LAMA1: variants seen among roughly 807,000 people sequenced by gnomAD.
The protein encoded by LAMA1 is laminin subunit alpha-1.
Under a neutral mutation model 348.7 loss-of-function variants are expected in LAMA1, and 219 were observed. That is an observed-to-expected ratio of 0.63 (90% CI 0.56 to 0.70). The LOEUF (loss-of-function observed/expected upper bound fraction) is 0.70, where lower values mean the gene tolerates loss of function less well. Ranked by LOEUF, LAMA1 falls within the 30% of genes least tolerant of loss-of-function variation. The pLI is 0.00. For synonymous variants in LAMA1, 1,487 were observed against 1,491.0 expected, an observed-to-expected ratio of 1.00 and a Z score of 0.06; for missense variants, 3,744 against 3,888.0, an observed-to-expected ratio of 0.96 and a Z score of 0.99.
intron 3 of LAMA1, chr18:7,076,711 T>C (rs1443519740): frequency 6.7e-6 from 1 of 149,694 alleles, no homozygotes; most frequent in African/African-American, 2.5e-5. Context: ...ACTGGGAAAA[T>C]TGAATGTGGA....
At chr18:7,065,916 T>C (rs958287490) in intron 3 of LAMA1, among the ~76,000 whole-genome samples, 2 of 152,188 alleles carry the variant, frequency 1.3e-5, no homozygotes, top group African/African-American at 4.8e-5. Flanking sequence ...CAGTGCTTTC[T>C]AAGTGCCTGC....
At chr18:6,989,128 TC>T (rs1419271773) in intron 36 of LAMA1, among the ~76,000 whole-genome samples, 1 of 152,124 alleles carries the variant, frequency 6.6e-6, no homozygotes, top group African/African-American at 2.4e-5. Flanking sequence ...TCCAACAAAA[TC>T]CCTGGATACT....
chr18:7,021,619 A>G (rs911609536), intron 19 of LAMA1, among the ~76,000 whole-genome samples: 1 of 151,536 alleles, frequency 6.6e-6, no homozygotes, highest in Non-Finnish European at 1.5e-5. Flanking sequence ...TACTTTTAAA[A>G]CCTGATCACA....
At chr18:7,013,060 C>T (rs2057868590) in intron 23 of LAMA1, among the ~76,000 whole-genome samples, 1 of 151,842 alleles carries the variant, frequency 6.6e-6, no homozygotes, top group African/African-American at 2.4e-5. Flanking sequence ...ACTCGGGAGG[C>T]TGAGGCAGGA....
chr18:7,044,381 T>C (rs913045224), intron 7 of LAMA1, among the ~76,000 whole-genome samples: 3 of 152,146 alleles, frequency 2.0e-5, no homozygotes, highest in African/African-American at 7.2e-5. Context: ...TTGTTAGATC[T>C]AGGAATCTTG....
At chr18:7,007,965 C>G (rs377584881) in intron 28 of LAMA1, among the ~76,000 whole-genome samples, 33 of 150,460 alleles carry the variant, frequency 2.2e-4, no homozygotes, top group African/African-American at 7.9e-4. Context: ...CGGAGTATCT[C>G]TCTGTCACTC....
At chr18:7,066,500 T>A (rs1598303525) in intron 3 of LAMA1, among the ~76,000 whole-genome samples, 1 of 152,140 alleles carries the variant, frequency 6.6e-6, no homozygotes, top group African/African-American at 2.4e-5. Flanking sequence ...ATATTCAATA[T>A]CTAAAAATGT....
intron 51 of LAMA1, among the ~76,000 whole-genome samples, chr18:6,962,445 C>A (rs1262601663): frequency 6.6e-6 from 1 of 151,584 alleles, no homozygotes; most frequent in Non-Finnish European, 1.5e-5. Flanking sequence ...TGGGGGGAAC[C>A]CTATACTTCT....
Position 6,978,051 on chromosome 18 carries a change from TC to T in LAMA1, c.6190+144del, listed in dbSNP as rs1600366132. ...CACAAGTAGCATGCATTTCCCAAGG[TC>T]CTTCTCTTAATAAAGGCTAATCCAG... On this transcript the variant is annotated intron_variant, in intron 43 of 62. Coordinates refer to ENST00000389658, the MANE Select transcript of LAMA1 (RefSeq NM_005559.4). 7.0e-6 allele frequency: 9 copies of T among 1,294,554 alleles called. No individual in the cohort carries two copies. In the East Asian group the frequency reaches 1.9e-4, roughly 27 times the overall value. 80.2% of individuals were successfully genotyped at this position (1,294,554 alleles called of 1,614,324 possible). A position where few individuals can be genotyped will look rare whatever the true frequency, so the allele number is the denominator to read the frequency against.
intron 36 of LAMA1, among the ~76,000 whole-genome samples, chr18:6,988,006 C>T (rs2057742774): frequency 6.6e-6 from 1 of 152,022 alleles, no homozygotes; most frequent in African/African-American, 2.4e-5. Flanking sequence ...CCCAGCTACC[C>T]AGGAGGCTGA....
In LAMA1 at chr18:7,021,836, AATATATTATATTATAT is replaced by A. The variant is rs1568034683; in HGVS notation, c.2701+1312_2701+1327del. Among the ~76,000 whole-genome samples, 4 of 58,192 alleles carry A rather than the reference AATATATTATATTATAT, an allele frequency of 6.9e-5. 1 individual carries two copies. Among genetic ancestry groups the A allele is most frequent in the African/African-American group, 5.0e-4 (4 of 7,986 alleles). 38.2% of individuals were successfully genotyped at this position (58,192 alleles called of 152,430 possible). A position where few individuals can be genotyped will look rare whatever the true frequency, so the allele number is the denominator to read the frequency against. ...TATAATATATATTATATAATATAAT[AATATATTATATTATAT>A]TATATATATTATATATTAGAAAATA... On this transcript the variant is annotated intron_variant, in intron 19 of 62. Coordinates refer to ENST00000389658, the MANE Select transcript of LAMA1 (RefSeq NM_005559.4).
intron 53 of LAMA1, chr18:6,960,563 G>A (rs998323446): frequency 6.6e-6 from 1 of 150,616 alleles, no homozygotes; most frequent in Non-Finnish European, 1.5e-5. Context: ...TGATGAAAAT[G>A]TTTGCAACTA....
rs150940045 is a variant in LAMA1, at chr18:7,014,014, C to T, written c.3164G>A (p.Arg1055Gln). 2.2e-4 allele frequency: 353 copies of T among 1,613,946 alleles called. No homozygotes were observed. In the African/African-American group the frequency reaches 3.8e-3, roughly 17 times the overall value. ...NCSLVGSTHH[R>Q]CDVVTGHCQC... ...GCAATGGCCGGTGACCACATCGCACCGATGATGAGTCGACCCCACGAGACT... is the reference window on the plus strand; with the variant it reads ...GCAATGGCCGGTGACCACATCGCACTGATGATGAGTCGACCCCACGAGACT... Residue 1055 changes from arginine (R) to glutamine (Q), a missense_variant, in exon 23 of 63, where the codon CGG becomes CAG. Arg to Gln is a conservative substitution (Grantham distance 43). Coordinates refer to ENST00000389658, the MANE Select transcript of LAMA1 (RefSeq NM_005559.4).
intron 3 of LAMA1, among the ~76,000 whole-genome samples, chr18:7,055,278 C>T (rs751235670): frequency 6.6e-6 from 1 of 151,644 alleles, no homozygotes; most frequent in African/African-American, 2.4e-5. Context: ...TGGTGAAACC[C>T]CATCTCTACT....
chr18:7,088,374 G>A (rs914658134), intron 1 of LAMA1, among the ~76,000 whole-genome samples: 3 of 152,122 alleles, frequency 2.0e-5, no homozygotes, highest in South Asian at 2.1e-4. Flanking sequence ...CACGTAAGCC[G>A]AGAAGGGAAA....
intron 53 of LAMA1, chr18:6,959,732 T>A (rs2057598283): frequency 4.1e-6 from 2 of 485,306 alleles, no homozygotes; most frequent in East Asian, 8.4e-5. Context: ...CCATTCTGCA[T>A]TGCCTCATAT....
At chr18:7,085,010 G>A (rs972674736) in intron 1 of LAMA1, among the ~76,000 whole-genome samples, 1 of 151,940 alleles carries the variant, frequency 6.6e-6, no homozygotes, top group Non-Finnish European at 1.5e-5. Context: ...TGTAAGAGAA[G>A]TATGAGGTTT....
intron 45 of LAMA1, among the ~76,000 whole-genome samples, chr18:6,975,290 A>T (rs534158092): frequency 2.6e-4 from 39 of 152,302 alleles, no homozygotes; most frequent in African/African-American, 8.7e-4. Flanking sequence ...TCTCCCACAG[A>T]GTCCCCAGGA....
intron 16 of LAMA1, among the ~76,000 whole-genome samples, chr18:7,026,419 G>C (rs1371975534): frequency 6.6e-6 from 1 of 152,188 alleles, no homozygotes; most frequent in African/African-American, 2.4e-5. Context: ...CTACCTCTAA[G>C]GGGAATTCTG....
Sources: gnomAD v4.1 joint callset for allele counts (sites outside exome capture counted in the v4.1 genomes callset) on GRCh38, gnomAD v4.1.1 for gene constraint, MANE v1.5 for transcripts, NCBI Gene and HGNC (gene_info 2026-07-23, HGNC 2026-07-21) for gene names.